HMCN1: variants seen among roughly 807,000 people sequenced by gnomAD.
HMCN1 encodes hemicentin 1, also known as hemicentin-1.
In HMCN1, 321 loss-of-function variants were observed where a neutral mutation model predicts 625.9. The observed-to-expected ratio is 0.51, with a 90% CI of 0.47 to 0.56. The LOEUF is 0.56. Among genes scored for constraint, HMCN1 ranks in the 20% least tolerant of loss-of-function variants. The pLI, the probability that HMCN1 is intolerant of heterozygous loss-of-function variation, is 0.00. For synonymous variants in HMCN1, 2,425 were observed against 2,417.6 expected (o/e 1.00, Z -0.09); for missense variants, 6,588 against 6,887.3 (o/e 0.96, Z 1.54).
At chr1:186,102,125 A>T (rs191048902) in intron 68 of HMCN1, among the ~76,000 whole-genome samples, 3 of 152,136 alleles carry the variant, frequency 2.0e-5, no homozygotes, top group Non-Finnish European at 4.4e-5. Context: ...GGAAACCATG[A>T]TGAGTTTTTA....
intron 1 of HMCN1, among the ~76,000 whole-genome samples, chr1:185,766,080 A>G (rs945604604): frequency 6.6e-5 from 10 of 152,172 alleles, no homozygotes; most frequent in African/African-American, 2.2e-4. Flanking sequence ...TAATTAAAAC[A>G]AACACATTAG....
chr1:185,942,973 C>T (rs1345634806), intron 11 of HMCN1, among the ~76,000 whole-genome samples: 1 of 151,594 alleles, frequency 6.6e-6, no homozygotes, highest in Non-Finnish European at 1.5e-5. Context: ...CTGTTTTTCC[C>T]TCTACTCACA....
chr1:186,074,277 GTAA>G (rs1378112731), intron 52 of HMCN1, among the ~76,000 whole-genome samples: 2 of 151,842 alleles, frequency 1.3e-5, no homozygotes, highest in African/African-American at 4.8e-5. Context: ...TATTTATAAA[GTAA>G]TGATGTTTCT....
chr1:186,078,371 A>T, intron 55 of HMCN1, 151 bp downstream of exon 55: 1 of 670,786 alleles, frequency 1.5e-6, no homozygotes, highest in Non-Finnish European at 2.7e-6. Context: ...TCTTCTACAA[A>T]TTGACAGCAC....
intron 11 of HMCN1, among the ~76,000 whole-genome samples, chr1:185,940,902 T>G (rs1289816756): frequency 6.6e-6 from 1 of 152,250 alleles, no homozygotes; most frequent in Non-Finnish European, 1.5e-5. Flanking sequence ...TAGCTGGGAT[T>G]ACAGGCATGT....
At chr1:185,982,557 C>T (rs1651720402) in intron 18 of HMCN1, among the ~76,000 whole-genome samples, 168 bp downstream of exon 18, 1 of 151,740 alleles carries the variant, frequency 6.6e-6, no homozygotes, top group Non-Finnish European at 1.5e-5. Context: ...TCTCATGCCT[C>T]AGCCTCCAGA....
intron 4 of HMCN1, among the ~76,000 whole-genome samples, chr1:185,884,956 A>G (rs969427769): frequency 2.6e-5 from 4 of 152,066 alleles, no homozygotes; most frequent in Non-Finnish European, 5.9e-5. Context: ...TAGTATAGTT[A>G]CAAATAACAG....
At chr1:186,116,155 T>C (rs1385029544) in intron 75 of HMCN1, among the ~76,000 whole-genome samples, 1 of 152,150 alleles carries the variant, frequency 6.6e-6, no homozygotes, top group Non-Finnish European at 1.5e-5. Flanking sequence ...TTTTAATCTT[T>C]TGGCATTGGG....
intron 103 of HMCN1, among the ~76,000 whole-genome samples, chr1:186,174,862 C>T (rs1333714681): frequency 6.6e-6 from 1 of 152,178 alleles, no homozygotes; most frequent in Non-Finnish European, 1.5e-5. Flanking sequence ...TAATCACTTA[C>T]TCTGTGCTTG....
chr1:186,006,133 T>C (rs1653617272), intron 29 of HMCN1, among the ~76,000 whole-genome samples: 1 of 148,692 alleles, frequency 6.7e-6, no homozygotes, highest in South Asian at 2.1e-4. Context: ...TGAGACTTCA[T>C]TTCAAAAAAA....
At chr1:185,922,338 T>C in intron 6 of HMCN1, 41 bp from the exon 7 acceptor site, 1 of 1,611,246 alleles carries the variant, frequency 6.2e-7, no homozygotes. Flanking sequence ...ACCAGCATAC[T>C]GGATCAACTG....
chr1:186,156,666 G>T (rs1184768206), intron 97 of HMCN1, among the ~76,000 whole-genome samples: 1 of 152,050 alleles, frequency 6.6e-6, no homozygotes, highest in Non-Finnish European at 1.5e-5. Flanking sequence ...GAAAATCACA[G>T]AAATAGCCAA....
intron 70 of HMCN1, among the ~76,000 whole-genome samples, chr1:186,107,495 A>G (rs1354708560): frequency 6.6e-6 from 1 of 152,246 alleles, no homozygotes; most frequent in Non-Finnish European, 1.5e-5. Context: ...AAATATGATG[A>G]TAGAAAATGC....
At chr1:185,901,438 A>G (rs1039836429) in intron 4 of HMCN1, among the ~76,000 whole-genome samples, 3 of 151,766 alleles carry the variant, frequency 2.0e-5, no homozygotes, top group Non-Finnish European at 4.4e-5. Flanking sequence ...TTATAATGTT[A>G]CAATGGTTAA....
At position 185,925,123 on chromosome 1, in the gene HMCN1, C is replaced by T. The variant is rs1360352502; in HGVS notation, c.1362C>T (p.Asp454=). The change falls in exon 9 of 107, where the codon GAC becomes GAT. Residue 454 remains aspartate, a synonymous_variant. Transcript: ENST00000271588. ...CGGGCCAAATTCCCTGCTCTGTTGACAGTCTTTTGCCCTTTACCTTGAGCT... is the reference window on the plus strand; with the variant it reads ...CGGGCCAAATTCCCTGCTCTGTTGATAGTCTTTTGCCCTTTACCTTGAGCT... The part of the protein sequence containing the change: ...LQPGQIPCSV[D]SLLPFTLSFV... The T allele has an allele frequency of 6.2e-7, 1 of 1,613,860 alleles. No individual in the cohort carries two copies. The highest frequency in any genetic ancestry group is 8.5e-7 in the Non-Finnish European group (1 of 1,179,768).
At chr1:185,964,615 C>T (rs900613859) in intron 13 of HMCN1, among the ~76,000 whole-genome samples, 2 of 151,996 alleles carry the variant, frequency 1.3e-5, no homozygotes, top group African/African-American at 4.8e-5. Context: ...AATTGAGAGC[C>T]TGGAAAGAAG....
chr1:186,082,893 G>A lies in HMCN1; in HGVS notation c.8816G>A (p.Gly2939Asp), dbSNP rs761288814. Residue 2939 changes from glycine to aspartate, a missense_variant, in exon 57 of 107, where the codon GGC (glycine) becomes GAC (aspartate). By Grantham distance (94) the Gly-to-Asp change is moderately conservative. Around this residue, in one of 3 missense-constraint regions of HMCN1, gnomAD observed 4,628 missense variants for 4,853.1 expected, o/e 0.95. Coordinates refer to ENST00000271588, the MANE Select transcript of HMCN1 (RefSeq NM_031935.3). ...QILNTQITDI[G>D]RYVCVAENTA... ...CTGAATACTCAAATAACAGATATCG[G>A]CAGGTATGTGTGTGTTGCTGAGAAC... 4 of 1,588,150 alleles carry A rather than the reference G, an allele frequency of 2.5e-6. No individual in the cohort carries two copies. Among genetic ancestry groups the A allele is most frequent in the African/African-American group, 1.3e-5 (1 of 74,242 alleles).
At chr1:186,027,448 C>T (rs1655132863) in intron 36 of HMCN1, among the ~76,000 whole-genome samples, 1 of 152,114 alleles carries the variant, frequency 6.6e-6, no homozygotes, top group Non-Finnish European at 1.5e-5. Context: ...AAAAAATTAA[C>T]CAAGGTGAAA....
Position 185,951,498 on chromosome 1 carries a change from ACCCGAAG to A in HMCN1, c.1829-11018_1829-11012del, listed in dbSNP as rs2102533230. ...GGGCTTAACTTCCACTGTGAGAGTT[ACCCGAAG>A]CTCAGTGTCCATGATGGTCTAGGGG... On this transcript the variant is annotated intron_variant, in intron 11 of 106. Coordinates refer to ENST00000271588, the MANE Select transcript of HMCN1 (RefSeq NM_031935.3). 1.3e-5 allele frequency among the ~76,000 whole-genome samples: 2 copies of A among 149,932 alleles called. 1 individual carries two copies. The highest frequency in any genetic ancestry group is 3.0e-5 in the Non-Finnish European group (2 of 66,990).
Sources: allele counts gnomAD v4.1 joint callset (sites outside exome capture counted in the v4.1 genomes callset), GRCh38; gene constraint gnomAD v4.1.1; regional missense constraint gnomAD v4.1.1; transcripts MANE v1.5; gene names NCBI Gene and HGNC (gene_info 2026-07-23, HGNC 2026-07-21).